The following COL24A1 variants were observed in gnomAD, a reference collection of about 807,000 sequenced individuals.
COL24A1 encodes the protein collagen alpha-1(XXIV) chain.
Under a neutral mutation model 253.9 loss-of-function variants are expected in COL24A1, and 224 were observed. That is an observed-to-expected ratio of 0.88 (90% confidence interval 0.79 to 0.99). The LOEUF is 0.99. Ranked by LOEUF, COL24A1 falls within the 50% of genes least tolerant of loss-of-function variation. COL24A1 has a pLI of 0.00. For missense variants in COL24A1, 2,131 were observed against 2,068.5 expected (o/e 1.03, Z -0.59); for synonymous variants, 685 against 673.7 (o/e 1.02, Z -0.26).
chr1:86,041,628 A>G (rs1349952886), intron 12 of COL24A1, among the ~76,000 whole-genome samples: 2 of 152,168 alleles, frequency 1.3e-5, no homozygotes, highest in African/African-American at 4.8e-5. Flanking sequence ...TATCAAATAC[A>G]TAACAAATCC....
intron 20 of COL24A1, among the ~76,000 whole-genome samples, chr1:85,978,544 G>C (rs1470883674): frequency 1.3e-5 from 2 of 151,754 alleles, no homozygotes; most frequent in African/African-American, 4.8e-5. Flanking sequence ...TCATGCAAAT[G>C]GAAACCAAAA....
At chr1:85,777,539 C>T (rs1668678356) in intron 52 of COL24A1, among the ~76,000 whole-genome samples, 1 of 151,862 alleles carries the variant, frequency 6.6e-6, no homozygotes, top group South Asian at 2.1e-4. Context: ...AAATGGCTAA[C>T]CTATAACTTA....
chr1:86,070,333 T>C (rs371706497), intron 7 of COL24A1, among the ~76,000 whole-genome samples: 1 of 151,842 alleles, frequency 6.6e-6, no homozygotes, highest in African/African-American at 2.4e-5. Context: ...ACCTACAAGA[T>C]GGAAAACAGC....
At chr1:86,029,997 A>T (rs1037331894) in intron 14 of COL24A1, 4 of 152,156 alleles carry the variant, frequency 2.6e-5, no homozygotes, top group African/African-American at 9.7e-5. Flanking sequence ...TTCCGAAAAT[A>T]GTATATAAAC....
At chr1:86,073,707 G>A (rs996059845) in intron 7 of COL24A1, among the ~76,000 whole-genome samples, 3 of 152,110 alleles carry the variant, frequency 2.0e-5, no homozygotes, top group African/African-American at 7.2e-5. Flanking sequence ...AAAATGCTAA[G>A]GACAGCCAGA....
In COL24A1 at chr1:85,745,714, C is replaced by T. The variant is rs371978066; in HGVS notation, c.4438-208G>A. The stretch of plus-strand genomic sequence containing the variant: ...ATGCCACCTTCATCCAAATCTCAAA[C>T]GTCTCCTAATTAAAATAGGACCAGA... On this transcript the variant is annotated intron_variant, in intron 55 of 59. Transcript: ENST00000370571. 9.2e-5 allele frequency among the ~76,000 whole-genome samples: 14 copies of T among 152,258 alleles called. No homozygotes were observed. The East Asian group carries it at 1.5e-3, about 17-fold the overall frequency.
At chr1:85,871,795 G>T (rs943467251) in intron 35 of COL24A1, among the ~76,000 whole-genome samples, 1 of 152,144 alleles carries the variant, frequency 6.6e-6, no homozygotes, top group African/African-American at 2.4e-5. Context: ...CACAAGACAG[G>T]GATGCCCTCT....
At chr1:86,048,178 A>C (rs1429322175) in intron 11 of COL24A1, among the ~76,000 whole-genome samples, 1 of 151,462 alleles carries the variant, frequency 6.6e-6, no homozygotes, top group African/African-American at 2.4e-5. Context: ...CATTTTTCAT[A>C]TATATACATG....
intron 37 of COL24A1, among the ~76,000 whole-genome samples, chr1:85,867,976 C>A (rs1679986190): frequency 6.6e-6 from 1 of 152,150 alleles, no homozygotes; most frequent in Non-Finnish European, 1.5e-5. Flanking sequence ...AACTCCTGAC[C>A]TCAGGTGATC....
At chr1:85,926,311 A>C (rs534924278) in intron 24 of COL24A1, among the ~76,000 whole-genome samples, 31 of 152,238 alleles carry the variant, frequency 2.0e-4, no homozygotes, top group African/African-American at 6.0e-4. Flanking sequence ...TTGACCCAGC[A>C]ATCCCATTAC....
At chr1:85,812,348 A>G (rs995401804) in intron 47 of COL24A1, among the ~76,000 whole-genome samples, 1 of 152,140 alleles carries the variant, frequency 6.6e-6, no homozygotes, top group Non-Finnish European at 1.5e-5. Context: ...CAGTTAATGG[A>G]GGAGGAAAAA....
chr1:85,997,185 T>C (rs1314709373), intron 19 of COL24A1, among the ~76,000 whole-genome samples: 1 of 151,182 alleles, frequency 6.6e-6, no homozygotes, highest in Non-Finnish European at 1.5e-5. Flanking sequence ...GGCCAGTACC[T>C]TGGGGTACTT....
At chr1:86,145,684 A>G (rs147898087) in intron 2 of COL24A1, among the ~76,000 whole-genome samples, 109 of 152,206 alleles carry the variant, frequency 7.2e-4, no homozygotes, top group Middle Eastern at 6.8e-3. Flanking sequence ...TTTGAATTAC[A>G]TAGAATCCTA....
At position 86,010,654 on chromosome 1, in the gene COL24A1, T is replaced by C. The variant is rs139296919; in HGVS notation, c.2310+6497A>G. Among the ~76,000 whole-genome samples the C allele has an allele frequency of 3.8e-3, 574 of 152,252 alleles. 3 individuals carry two copies. The highest frequency in any genetic ancestry group is 5.3e-3 in the Non-Finnish European group (361 of 67,974). ...ACATAAGAAGCACAAGTTTATTCAC[T>C]GCAGGAGTGTTTTTCATTGCAAAAT... On this transcript the variant is annotated intron_variant, in intron 19 of 59. Coordinates refer to ENST00000370571, the MANE Select transcript of COL24A1 (RefSeq NM_152890.7).
chr1:86,124,224 G>GTT (rs11375530), intron 3 of COL24A1, among the ~76,000 whole-genome samples: 3 of 151,698 alleles, frequency 2.0e-5, no homozygotes, highest in African/African-American at 4.8e-5. Flanking sequence ...TGCCTTGGTT[G>GTT]TTTTTTTCCC....
intron 2 of COL24A1, among the ~76,000 whole-genome samples, chr1:86,132,492 G>T (rs1649421461): frequency 6.6e-6 from 1 of 152,044 alleles, no homozygotes. Flanking sequence ...GGTTTTTATG[G>T]TTTTAGGTCT....
At chr1:86,071,731 TAA>T (rs973309045) in intron 7 of COL24A1, among the ~76,000 whole-genome samples, 1 of 152,224 alleles carries the variant, frequency 6.6e-6, no homozygotes, top group Admixed American at 6.5e-5. Flanking sequence ...AGCACCCAGA[TAA>T]ATAAAGAAAA....
intron 53 of COL24A1, 45 bp from the exon 54 acceptor site, chr1:85,761,611 T>C: frequency 6.2e-7 from 1 of 1,600,612 alleles, no homozygotes; most frequent in Non-Finnish European, 8.6e-7. Context: ...ATTATACTTT[T>C]GGTTGGGTAT....
At chr1:86,056,362 C>G (rs1559140302) in intron 10 of COL24A1, among the ~76,000 whole-genome samples, 1 of 152,148 alleles carries the variant, frequency 6.6e-6, no homozygotes, top group Non-Finnish European at 1.5e-5. Flanking sequence ...TTTGCCAGAT[C>G]AAGTAAGTTC....
Sources: allele counts gnomAD v4.1 joint callset (sites outside exome capture counted in the v4.1 genomes callset), GRCh38; gene constraint gnomAD v4.1.1; transcripts MANE v1.5; gene names NCBI Gene and HGNC (gene_info 2026-07-23, HGNC 2026-07-21).